The following GRID2IP variants were observed in gnomAD, a reference collection of about 807,000 sequenced individuals.
GRID2IP encodes Grid2 interacting protein.
A neutral mutation model predicts 114.3 loss-of-function variants in GRID2IP; 78 were observed. The ratio of observed to expected loss-of-function variants is 0.68; its 90% CI spans 0.57 to 0.82. The LOEUF is 0.82. Ranked by LOEUF, GRID2IP falls within the 40% of genes least tolerant of loss-of-function variation. GRID2IP has a pLI of 0.00. For synonymous variants in GRID2IP, 809 were observed against 724.0 expected (o/e 1.12, Z -1.89); for missense variants, 1,727 against 1,678.5 (o/e 1.03, Z -0.51).
In GRID2IP at chr7:6,523,657, C is replaced by G. The variant is rs1490591453; in HGVS notation, c.920-1700G>C. Reference sequence around the variant, plus strand: ...GATCATAGCTCACTACAGCCTCGAACTTCTGGGCTCAAGTGATCCTCCCAC... The same window carrying G: ...GATCATAGCTCACTACAGCCTCGAAGTTCTGGGCTCAAGTGATCCTCCCAC... On this transcript the variant is annotated intron_variant, in intron 4 of 21. Coordinates refer to ENST00000457091, the MANE Select transcript of GRID2IP (RefSeq NM_001145118.2). This position sits in a 1 kb window ranked among gnomAD's most constrained non-coding sequence, Gnocchi z 4.5. Among the ~76,000 whole-genome samples the G allele has an allele frequency of 6.6e-6, 1 of 152,110 alleles. No homozygotes were observed. Among genetic ancestry groups the G allele is most frequent in the East Asian group, 1.9e-4 (1 of 5,196 alleles).
At position 6,526,110 on chromosome 7, in the gene GRID2IP, G is replaced by C; in HGVS notation, c.919+114C>G. 1 of 759,468 alleles carries C rather than the reference G, an allele frequency of 1.3e-6. No individual in the cohort carries two copies. Among genetic ancestry groups the C allele is most frequent in the Non-Finnish European group, 2.3e-6 (1 of 438,262 alleles). 47.0% of individuals were successfully genotyped at this position (759,468 alleles called of 1,614,324 possible). On this transcript the variant is annotated intron_variant, in intron 4 of 21. Coordinates refer to ENST00000457091, the MANE Select transcript of GRID2IP (RefSeq NM_001145118.2). This position sits in a 1 kb window ranked among gnomAD's most constrained non-coding sequence, Gnocchi z 7.6. Reference sequence around the variant, plus strand: ...ACACAAGGATGGTACCTGACGTGGAGGGGTTGCTGAGCAGGAGCCTACATG... The same window carrying C: ...ACACAAGGATGGTACCTGACGTGGACGGGTTGCTGAGCAGGAGCCTACATG...
chr7:6,514,303 C>T lies in GRID2IP; in HGVS notation c.1423+72G>A, dbSNP rs1336041960. On this transcript the variant is annotated intron_variant, in intron 8 of 21. Coordinates refer to ENST00000457091, the MANE Select transcript of GRID2IP (RefSeq NM_001145118.2). ...CACCTTCACATGTGAGAACAGGTGT[C>T]TGTCTGTTCACCTGGTGAGCTGGAC... The T allele has an allele frequency of 4.7e-6, 6 of 1,270,320 alleles. No homozygotes were observed. In the East Asian group the frequency reaches 1.6e-4, roughly 34 times the overall value. 78.7% of individuals were successfully genotyped at this position (1,270,320 alleles called of 1,614,324 possible).
chr7:6,509,065 C>A lies in GRID2IP; in HGVS notation c.2020G>T (p.Val674Leu). The A allele has an allele frequency of 6.5e-7, 1 of 1,528,366 alleles. No homozygotes were observed. The highest frequency in any genetic ancestry group is 2.0e-5 in the Admixed American group (1 of 49,568). The allele number at this position is 1,528,366 out of a possible 1,614,324, so 94.7% of individuals were successfully genotyped here. The part of the protein sequence containing the change: ...RRKLFTFSHP[V>L]RSRDTDRFLD... ...AAGCGGTCAGTATCGCGGCTTCGCA[C>A]AGGGTGGGAGAAGGTGAAGAGCTTC... The change falls in exon 12 of 22, where the codon GTG becomes TTG. Residue 674 changes from valine (V) to leucine (L), a missense_variant. Val to Leu is a conservative substitution (Grantham distance 32, BLOSUM62 1). Coordinates refer to ENST00000457091, the MANE Select transcript of GRID2IP (RefSeq NM_001145118.2). This position sits in a 1 kb window ranked among gnomAD's most constrained non-coding sequence, Gnocchi z 4.9.
intron 7 of GRID2IP, among the ~76,000 whole-genome samples, chr7:6,518,651 G>A (rs1296198789): frequency 1.3e-5 from 2 of 152,006 alleles, no homozygotes; most frequent in South Asian, 2.1e-4. Flanking sequence ...CAGGAGAATC[G>A]CTTGAACCCA....
At position 6,526,661 on chromosome 7, in the gene GRID2IP, G is replaced by A. The variant is rs1779518960; in HGVS notation, c.693C>T (p.Arg231=). The A allele has an allele frequency of 4.1e-6, 6 of 1,452,506 alleles. No individual in the cohort carries two copies. Among genetic ancestry groups the A allele is most frequent in the Non-Finnish European group, 5.4e-6 (6 of 1,105,230 alleles). The allele number at this position is 1,452,506 out of a possible 1,614,324, so 90.0% of individuals were successfully genotyped here. The change falls in exon 3 of 22, where the codon CGC becomes CGT. Residue 231 remains arginine, a synonymous_variant. Transcript: ENST00000457091. This position sits in a 1 kb window ranked among gnomAD's most constrained non-coding sequence, Gnocchi z 7.6. The part of the protein sequence containing the change: ...ARRAQGAQRL[R]RSRSEERPER... ...CCGGCCGCTCCTCGCTGCGGCTCCG[G>A]CGCAGTCGCTGCGCGCCCTGGGCCC...
intron 20 of GRID2IP, among the ~76,000 whole-genome samples, chr7:6,500,710 G>C (rs1050772509): frequency 2.0e-5 from 3 of 152,232 alleles, no homozygotes; most frequent in Non-Finnish European, 4.4e-5. Context: ...AGCCCCCAGA[G>C]CTCTCCCCCT....
chr7:6,535,462 CCA>C (rs1779709169), intron 2 of GRID2IP, among the ~76,000 whole-genome samples: 1 of 152,232 alleles, frequency 6.6e-6, no homozygotes, highest in Non-Finnish European at 1.5e-5. Flanking sequence ...TTTAGTGAGG[CCA>C]CACCTCTCTG....
rs77344965 is a variant in GRID2IP at position 6,537,861 on chromosome 7, G to C, written c.584+1857C>G. 1.1e-4 allele frequency among the ~76,000 whole-genome samples: 16 copies of C among 151,626 alleles called. No individual in the cohort carries two copies. In the South Asian group the frequency reaches 3.3e-3, roughly 32 times the overall value. On this transcript the variant is annotated intron_variant, in intron 2 of 21. Transcript: ENST00000457091. ...CGAGACTCCGATTCAAAAAAGCTTC[G>C]AGCAAAACAGAGCGGAAGAGCAGAA...
Position 6,551,412 on chromosome 7 carries a change from TGGCC to T in GRID2IP, c.21_24del (p.Ala8ArgfsTer13). The T allele has an allele frequency of 6.5e-7, 1 of 1,544,888 alleles. No homozygotes were observed. The highest frequency in any genetic ancestry group is 8.7e-7 in the Non-Finnish European group (1 of 1,144,200). Reference sequence around the variant, plus strand: ...AAGTCCTCTGGCCAGCCCTGGTTCGTGGCCGGCGTGGCAGTGGTGGCCATGCACC... The same window carrying T: ...AAGTCCTCTGGCCAGCCCTGGTTCGTGGCGTGGCAGTGGTGGCCATGCACC... On this transcript the variant is annotated frameshift_variant, in exon 1 of 22. Transcript: ENST00000457091. LOFTEE classifies it high-confidence loss of function.
intron 16 of GRID2IP, 113 bp from the exon 17 acceptor site, chr7:6,503,276 C>T (rs1405710926): frequency 8.4e-7 from 1 of 1,192,672 alleles, no homozygotes; most frequent in Non-Finnish European, 1.1e-6. Flanking sequence ...CCCGATATTC[C>T]GGTAGGAAGA....
chr7:6,502,676 T>G, intron 18 of GRID2IP, 110 bp downstream of exon 18: 1 of 503,316 alleles, frequency 2.0e-6, no homozygotes, highest in African/African-American at 2.2e-5. Context: ...AGGAGAGCCC[T>G]CCTTGGTCAC....
chr7:6,530,935 C>A, intron 2 of GRID2IP: 1 of 492,954 alleles, frequency 2.0e-6, no homozygotes, highest in Non-Finnish European at 3.6e-6. Flanking sequence ...CGCCCAGGCT[C>A]GGAGGGTGCC....
chr7:6,510,463 A>G, intron 10 of GRID2IP, 63 bp from the exon 11 acceptor site: 4 of 1,380,548 alleles, frequency 2.9e-6, no homozygotes, highest in Non-Finnish European at 3.9e-6. Context: ...AATGTGGTCC[A>G]GGCCTGGGTG....
chr7:6,524,161 A>G (rs1388176343), intron 4 of GRID2IP, among the ~76,000 whole-genome samples: 1 of 152,036 alleles, frequency 6.6e-6, no homozygotes, highest in East Asian at 1.9e-4. Context: ...CCCCTTTGTA[A>G]AAGCGTCCAT....
chr7:6,501,920 G>A (rs1026034396), intron 19 of GRID2IP, 21 bp from the exon 20 acceptor site: 1 of 1,550,584 alleles, frequency 6.4e-7, no homozygotes, highest in Non-Finnish European at 8.7e-7. Context: ...GAGGACAGGG[G>A]CTGCATGGGG....
intron 16 of GRID2IP, 135 bp downstream of exon 16, chr7:6,503,356 G>T: frequency 9.7e-7 from 1 of 1,026,648 alleles, no homozygotes; most frequent in African/African-American, 1.6e-5. Flanking sequence ...GGCCATTAAA[G>T]GTGTTAAACT....
Position 6,526,829 on chromosome 7 carries a change from C to G in GRID2IP, c.585-60G>C. 1 of 1,415,176 alleles carries G rather than the reference C, an allele frequency of 7.1e-7. No homozygotes were observed. The highest frequency in any genetic ancestry group is 9.2e-7 in the Non-Finnish European group (1 of 1,085,080). 87.7% of individuals were successfully genotyped at this position (1,415,176 alleles called of 1,614,324 possible). ...CCGGACCCCGGATCTCTGCAAACCG[C>G]GGCCCGAAGGCGCGTCCTCGCGGGC... On this transcript the variant is annotated intron_variant, in intron 2 of 21. Transcript: ENST00000457091. This position sits in a 1 kb window ranked among gnomAD's most constrained non-coding sequence, Gnocchi z 7.6.
chr7:6,540,518 T>C (rs1169613686), intron 1 of GRID2IP, among the ~76,000 whole-genome samples: 1 of 151,354 alleles, frequency 6.6e-6, no homozygotes, highest in Non-Finnish European at 1.5e-5. Flanking sequence ...TAATTTATTG[T>C]TATTTATTTA....
At chr7:6,510,135 T>C (rs1048683268) in intron 11 of GRID2IP, 148 bp downstream of exon 11, 29 of 527,704 alleles carry the variant, frequency 5.5e-5, no homozygotes, top group Non-Finnish European at 8.5e-5. Flanking sequence ...CAGGCTACTT[T>C]CTTGATCCAC....
Sources: gnomAD v4.1 joint callset for allele counts (sites outside exome capture counted in the v4.1 genomes callset) on GRCh38, gnomAD v4.1.1 for gene constraint, Gnocchi (gnomAD v3.1) non-coding constraint, MANE v1.5 for transcripts, NCBI Gene and HGNC (gene_info 2026-07-23, HGNC 2026-07-21) for gene names.